Variants in GPC5 observed in about 807,000 individuals in gnomAD.
GPC5 encodes the protein glypican 5, also known as glypican-5.
GPC5 carries 47 observed loss-of-function variants against 53.9 expected under a neutral mutation model. That is an observed-to-expected ratio of 0.87 (90% CI 0.69 to 1.11). The LOEUF (loss-of-function observed/expected upper bound fraction) is 1.11, where lower values mean the gene tolerates loss of function less well. Among genes scored for constraint, GPC5 ranks in the 50% most tolerant of loss-of-function variants. The pLI is 0.00. For synonymous variants in GPC5, 286 were observed against 263.3 expected, an observed-to-expected ratio of 1.09 and a Z score of -0.84; for missense variants, 748 against 713.1, an observed-to-expected ratio of 1.05 and a Z score of -0.56.
At chr13:91,744,099 T>C (rs1212673910) in intron 4 of GPC5, among the ~76,000 whole-genome samples, 1 of 152,142 alleles carries the variant, frequency 6.6e-6, no homozygotes, top group Non-Finnish European at 1.5e-5. Context: ...CTTCAATGTA[T>C]TGGGTTTGTC....
At chr13:92,781,695 AAAAT>A (rs1259142258) in intron 7 of GPC5, among the ~76,000 whole-genome samples, 2 of 152,206 alleles carry the variant, frequency 1.3e-5, no homozygotes, top group Middle Eastern at 3.2e-3. Flanking sequence ...AAGGATGCAT[AAAAT>A]AAATAAGGGA....
intron 7 of GPC5, among the ~76,000 whole-genome samples, chr13:92,209,085 C>T (rs1483276140): frequency 6.6e-6 from 1 of 152,164 alleles, no homozygotes; most frequent in East Asian, 1.9e-4. Flanking sequence ...AACTACAAAT[C>T]TATATTTTAT....
intron 7 of GPC5, among the ~76,000 whole-genome samples, chr13:92,227,977 G>C: frequency 6.6e-6 from 1 of 151,864 alleles, no homozygotes; most frequent in East Asian, 1.9e-4. Flanking sequence ...AATAAACTAA[G>C]CTAGAGAAAA....
intron 2 of GPC5, among the ~76,000 whole-genome samples, chr13:91,667,945 T>A (rs577761660): frequency 1.0e-3 from 154 of 152,360 alleles, no homozygotes; most frequent in Non-Finnish European, 1.8e-3. Flanking sequence ...ACCATGGATG[T>A]ATTTTCTTCT....
chr13:91,638,827 C>A (rs1168122114), intron 2 of GPC5, among the ~76,000 whole-genome samples: 1 of 152,124 alleles, frequency 6.6e-6, no homozygotes, highest in East Asian at 1.9e-4. Context: ...CCTCAATGTC[C>A]TATTTTCTAA....
At chr13:92,275,672 G>A (rs1285675152) in intron 7 of GPC5, among the ~76,000 whole-genome samples, 1 of 152,012 alleles carries the variant, frequency 6.6e-6, no homozygotes, top group Non-Finnish European at 1.5e-5. Context: ...CAAGCTGCAG[G>A]AAATGGTTAC....
intron 7 of GPC5, among the ~76,000 whole-genome samples, chr13:92,343,059 C>G (rs1042012043): frequency 6.6e-6 from 1 of 152,070 alleles, no homozygotes; most frequent in Non-Finnish European, 1.5e-5. Flanking sequence ...TGAAACTATA[C>G]CATAGTGAGA....
intron 2 of GPC5, among the ~76,000 whole-genome samples, chr13:91,468,487 G>A (rs754219630): frequency 1.1e-4 from 16 of 152,116 alleles, no homozygotes; most frequent in Non-Finnish European, 2.2e-4. Flanking sequence ...TGAACGTAGA[G>A]AAATATGTAC....
rs1306103913 is a variant in GPC5 at position 92,145,088 on chromosome 13, ACAAG to A, written c.1561+104_1561+107del. Reference sequence around the variant, plus strand: ...GTAAAGAAATAATGACAATTCAAAAACAAGCAAGAGGAATTGGAAATGGAAATGA... The same window carrying A: ...GTAAAGAAATAATGACAATTCAAAAACAAGAGGAATTGGAAATGGAAATGA... On this transcript the variant is annotated intron_variant, in intron 7 of 7. Coordinates refer to ENST00000377067, the MANE Select transcript of GPC5 (RefSeq NM_004466.6). 8.7e-5 allele frequency: 94 copies of A among 1,078,522 alleles called. 1 individual carries two copies. The Admixed American group carries it at 2.4e-3, about 27-fold the overall frequency. 66.8% of individuals were successfully genotyped at this position (1,078,522 alleles called of 1,614,324 possible).
chr13:92,123,050 C>T (rs2041664195), intron 6 of GPC5, among the ~76,000 whole-genome samples: 1 of 152,046 alleles, frequency 6.6e-6, no homozygotes, highest in South Asian at 2.1e-4. Flanking sequence ...GCAAAATGCC[C>T]TGTCTTATCA....
chr13:92,018,030 A>G (rs997252963), intron 6 of GPC5, among the ~76,000 whole-genome samples: 2 of 152,018 alleles, frequency 1.3e-5, no homozygotes, highest in Admixed American at 1.3e-4. Context: ...GAGTACACAC[A>G]CACACAAGCT....
intron 7 of GPC5, among the ~76,000 whole-genome samples, chr13:92,654,301 A>G (rs1388683498): frequency 6.6e-6 from 1 of 152,176 alleles, no homozygotes; most frequent in South Asian, 2.1e-4. Flanking sequence ...ATAACTCAAT[A>G]TTTCCATTTC....
chr13:92,556,345 G>A (rs1249531067), intron 7 of GPC5, among the ~76,000 whole-genome samples: 1 of 151,714 alleles, frequency 6.6e-6, no homozygotes, highest in African/African-American at 2.4e-5. Flanking sequence ...AATAGTTCAG[G>A]TATCTGAATA....
At chr13:92,691,947 G>A (rs1324331192) in intron 7 of GPC5, among the ~76,000 whole-genome samples, 1 of 152,056 alleles carries the variant, frequency 6.6e-6, no homozygotes, top group Non-Finnish European at 1.5e-5. Flanking sequence ...TGATGCTGAG[G>A]TTTGGAGTAC....
chr13:91,468,833 C>T (rs1204308199), intron 2 of GPC5, among the ~76,000 whole-genome samples: 2 of 146,902 alleles, frequency 1.4e-5, no homozygotes, highest in Non-Finnish European at 3.0e-5. Flanking sequence ...AAAATCTTTA[C>T]TATTCAATAT....
chr13:92,162,249 C>G (rs373512533), intron 7 of GPC5, among the ~76,000 whole-genome samples: 1 of 151,950 alleles, frequency 6.6e-6, no homozygotes, highest in East Asian at 1.9e-4. Flanking sequence ...GGTTATTTTT[C>G]GTTTGAAATG....
At chr13:92,819,679 C>T (rs1465873115) in intron 7 of GPC5, among the ~76,000 whole-genome samples, 1 of 152,004 alleles carries the variant, frequency 6.6e-6, no homozygotes, top group Admixed American at 6.6e-5. Context: ...TCAGATGTAT[C>T]CCCCTGGGGT....
intron 7 of GPC5, among the ~76,000 whole-genome samples, chr13:92,206,167 AT>A (rs1333690683): frequency 7.9e-3 from 221 of 27,956 alleles, no homozygotes; most frequent in Admixed American, 0.016. Context: ...TTTTTTTTTT[AT>A]TTTTTTTTTT....
At chr13:92,703,581 C>T (rs1887835522) in intron 7 of GPC5, among the ~76,000 whole-genome samples, 1 of 149,518 alleles carries the variant, frequency 6.7e-6, no homozygotes, top group Non-Finnish European at 1.5e-5. Flanking sequence ...TATATAAATT[C>T]ATTATAAATA....
Sources: allele counts gnomAD v4.1 joint callset (sites outside exome capture counted in the v4.1 genomes callset), GRCh38; gene constraint gnomAD v4.1.1; transcripts MANE v1.5; gene names NCBI Gene and HGNC (gene_info 2026-07-23, HGNC 2026-07-21).